The following UGGT2 variants were observed in gnomAD, a reference collection of about 807,000 sequenced individuals.
UGGT2 encodes UDP-glucose:glycoprotein glucosyltransferase 2.
Under a neutral mutation model 192.1 loss-of-function variants are expected in UGGT2, and 180 were observed. The ratio of observed to expected loss-of-function variants is 0.94; its 90% CI spans 0.83 to 1.06. The LOEUF (loss-of-function observed/expected upper bound fraction) is 1.06. Among genes scored for constraint, UGGT2 ranks in the 50% least tolerant of loss-of-function variants. UGGT2 has a pLI of 0.00. For missense variants in UGGT2, 1,849 were observed against 1,795.7 expected (o/e 1.03, Z -0.54); for synonymous variants, 580 against 591.0 (o/e 0.98, Z 0.27).
intron 38 of UGGT2, among the ~76,000 whole-genome samples, chr13:95,810,183 G>A (rs113447155): frequency 1.3e-4 from 20 of 152,044 alleles, no homozygotes; most frequent in African/African-American, 2.7e-4. Context: ...GAGCACTTCC[G>A]GCATCACCAG....
intron 38 of UGGT2, among the ~76,000 whole-genome samples, chr13:95,825,497 T>C (rs960472994): frequency 6.6e-6 from 1 of 152,146 alleles, no homozygotes; most frequent in African/African-American, 2.4e-5. Flanking sequence ...TTTTTATCTG[T>C]AGGCATGTTG....
chr13:95,815,657 C>A (rs926163626), intron 38 of UGGT2, among the ~76,000 whole-genome samples: 2 of 152,138 alleles, frequency 1.3e-5, no homozygotes, highest in African/African-American at 4.8e-5. Flanking sequence ...GAGTTGCAAT[C>A]AAAATCTCAG....
At chr13:95,886,513 A>C (rs73558630) in intron 26 of UGGT2, among the ~76,000 whole-genome samples, 3 of 152,304 alleles carry the variant, frequency 2.0e-5, no homozygotes, top group Admixed American at 6.5e-5. Flanking sequence ...AAAATTCTGT[A>C]CTTATGGAAC....
chr13:95,868,524 C>G (rs1187778390), intron 29 of UGGT2, among the ~76,000 whole-genome samples: 1 of 152,088 alleles, frequency 6.6e-6, no homozygotes, highest in Non-Finnish European at 1.5e-5. Flanking sequence ...TTGAAACTGG[C>G]AGATTGAGGC....
At chr13:95,863,110 GC>G (rs1201065276) in intron 31 of UGGT2, among the ~76,000 whole-genome samples, 1 of 152,106 alleles carries the variant, frequency 6.6e-6, no homozygotes, top group African/African-American at 2.4e-5. Flanking sequence ...CAATCCTCCT[GC>G]CATCACCTCT....
At chr13:95,874,682 C>T (rs1891510885) in intron 29 of UGGT2, among the ~76,000 whole-genome samples, 1 of 151,976 alleles carries the variant, frequency 6.6e-6, no homozygotes. Context: ...CTCCCCATCC[C>T]CTTCCTTCTC....
At chr13:95,925,890 CAA>C in intron 19 of UGGT2, 116 bp from the exon 20 acceptor site, 2 of 609,730 alleles carry the variant, frequency 3.3e-6, no homozygotes, top group South Asian at 4.2e-5. Flanking sequence ...TTCTGAAAAG[CAA>C]AGATTTTTAA....
Position 95,917,842 on chromosome 13 carries a change from C to G in UGGT2, c.2295+7838G>C, listed in dbSNP as rs1594322310. On this transcript the variant is annotated intron_variant, in intron 20 of 38. Transcript: ENST00000376747. Reference sequence around the variant, plus strand: ...AAGGGTTCAAGAAGAAATAACTATCCTAAATATATAGGCACCCAATACAGA... The same window carrying G: ...AAGGGTTCAAGAAGAAATAACTATCGTAAATATATAGGCACCCAATACAGA... 1.3e-5 allele frequency among the ~76,000 whole-genome samples: 2 copies of G among 152,056 alleles called. 1 individual carries two copies. The highest frequency in any genetic ancestry group is 4.1e-4 in the South Asian group (2 of 4,820).
chr13:95,824,798 T>C (rs1236603158), intron 38 of UGGT2, among the ~76,000 whole-genome samples: 1 of 152,200 alleles, frequency 6.6e-6, no homozygotes, highest in Non-Finnish European at 1.5e-5. Context: ...TTGGTTTGGA[T>C]CCACTGCTGG....
chr13:96,018,308 G>T (rs1490546732), intron 4 of UGGT2, among the ~76,000 whole-genome samples: 1 of 152,082 alleles, frequency 6.6e-6, no homozygotes, highest in Non-Finnish European at 1.5e-5. Context: ...TTGAGCTCAG[G>T]AATTCGAGTC....
At chr13:95,902,792 A>G (rs2048146514) in intron 21 of UGGT2, 62 bp downstream of exon 21, 3 of 1,474,160 alleles carry the variant, frequency 2.0e-6, no homozygotes, top group Middle Eastern at 2.1e-4. Flanking sequence ...ATATCTCCAA[A>G]TACACTCACA....
intron 4 of UGGT2, among the ~76,000 whole-genome samples, chr13:96,014,001 T>A (rs1343641460): frequency 4.6e-5 from 7 of 152,272 alleles, no homozygotes. Flanking sequence ...TGCCAGGCAC[T>A]GTGCTAGGTT....
intron 7 of UGGT2, among the ~76,000 whole-genome samples, chr13:95,993,486 T>C (rs1050023775): frequency 3.3e-5 from 5 of 152,224 alleles, no homozygotes; most frequent in Non-Finnish European, 7.3e-5. Context: ...TAAAAAGTTA[T>C]ATTCAAAAGA....
intron 21 of UGGT2, among the ~76,000 whole-genome samples, chr13:95,901,390 G>A (rs1297827118): frequency 3.9e-5 from 6 of 151,980 alleles, no homozygotes. Context: ...TTTAAATATG[G>A]AAATAATAAA....
intron 10 of UGGT2, among the ~76,000 whole-genome samples, chr13:95,979,530 T>A (rs2051046337): frequency 7.4e-6 from 1 of 134,766 alleles, no homozygotes; most frequent in South Asian, 2.5e-4. Flanking sequence ...ATATTCTCAT[T>A]TCCCCTGGTC....
intron 20 of UGGT2, among the ~76,000 whole-genome samples, chr13:95,903,644 T>C (rs1416480285): frequency 6.6e-6 from 1 of 152,218 alleles, no homozygotes; most frequent in Non-Finnish European, 1.5e-5. Flanking sequence ...TACTGTTTTC[T>C]GTAGCTGTAG....
At chr13:95,970,363 G>A (rs1451809042) in intron 11 of UGGT2, 101 bp from the exon 12 acceptor site, 3 of 1,088,512 alleles carry the variant, frequency 2.8e-6, no homozygotes, top group Admixed American at 2.4e-5. Flanking sequence ...GAGATTTTTT[G>A]GTATCTTCAT....
At chr13:95,985,322 T>C (rs2051256748) in intron 9 of UGGT2, 2 of 1,274,366 alleles carry the variant, frequency 1.6e-6, no homozygotes, top group African/African-American at 1.5e-5. Context: ...GGCATATCAA[T>C]ATATTCATTC....
chr13:95,871,917 G>A (rs1370979540), intron 29 of UGGT2, among the ~76,000 whole-genome samples: 1 of 152,166 alleles, frequency 6.6e-6, no homozygotes, highest in African/African-American at 2.4e-5. Flanking sequence ...GGACCAACTC[G>A]AGTACCTGCG....
Sources: allele counts gnomAD v4.1 joint callset (sites outside exome capture counted in the v4.1 genomes callset), GRCh38; gene constraint gnomAD v4.1.1; transcripts MANE v1.5; gene names NCBI Gene and HGNC (gene_info 2026-07-23, HGNC 2026-07-21).